Variants in CAMK2A observed in about 807,000 individuals in gnomAD.
CAMK2A encodes the protein calcium/calmodulin-dependent protein kinase type II subunit alpha.
In CAMK2A, 7 loss-of-function variants were observed where a neutral mutation model predicts 79.2. That is an observed-to-expected ratio of 0.09 (90% CI 0.05 to 0.17). The LOEUF is 0.17. Among genes scored for constraint, CAMK2A ranks in the 10% least tolerant of loss-of-function variants. CAMK2A has a pLI of 1.00. For missense variants in CAMK2A, 214 were observed against 646.4 expected, an observed-to-expected ratio of 0.33 and a Z score of 7.25; for synonymous variants, 242 against 251.7, an observed-to-expected ratio of 0.96 and a Z score of 0.36.
At chr5:150,243,729 T>C (rs1755445211) in intron 13 of CAMK2A, among the ~76,000 whole-genome samples, 1 of 152,228 alleles carries the variant, frequency 6.6e-6, no homozygotes, top group African/African-American at 2.4e-5. Context: ...CAGGGCGCAT[T>C]GTATTAGTTA....
intron 16 of CAMK2A, 37 bp downstream of exon 16, chr5:150,231,268 C>A: frequency 7.7e-7 from 1 of 1,301,210 alleles, no homozygotes; most frequent in African/African-American, 1.5e-5. Flanking sequence ...GAACAACAAT[C>A]CAGGCAGGAC....
intron 11 of CAMK2A, 88 bp downstream of exon 11, chr5:150,250,138 G>T (rs571621258): frequency 9.5e-6 from 9 of 942,692 alleles, no homozygotes; most frequent in South Asian, 8.2e-5. Flanking sequence ...ATGAAGGAAA[G>T]AATTAGTGAG....
At chr5:150,244,205 C>T (rs1755463747) in intron 13 of CAMK2A, among the ~76,000 whole-genome samples, 1 of 152,208 alleles carries the variant, frequency 6.6e-6, no homozygotes, top group African/African-American at 2.4e-5. Flanking sequence ...GAGGAGAAGG[C>T]TAAGTACAGA....
intron 1 of CAMK2A, 55 bp downstream of exon 1, chr5:150,289,509 G>A: frequency 1.4e-6 from 2 of 1,387,048 alleles, no homozygotes; most frequent in South Asian, 2.3e-5. Flanking sequence ...CCCCACTAGA[G>A]ACCCTGACCT....
chr5:150,286,345 C>T (rs1013462352), intron 1 of CAMK2A, among the ~76,000 whole-genome samples: 1 of 152,194 alleles, frequency 6.6e-6, no homozygotes, highest in Non-Finnish European at 1.5e-5. Context: ...GGGCCCTGGC[C>T]CCAGTCACAG....
Position 150,221,749 on chromosome 5 carries a change from CAAAAAAA to C in CAMK2A, c.*954_*960del. ...GTGACAAGGTCCACCTCAGAGATGA[CAAAAAAA>C]AAAAAAAAAACTAGAACAGAAAAAA... On this transcript the variant is annotated 3_prime_UTR_variant, in exon 19 of 19. Coordinates refer to ENST00000671881, the MANE Select transcript of CAMK2A (RefSeq NM_015981.4). 3.2e-6 allele frequency: 1 copy of C among 317,356 alleles called. No homozygotes were observed. The highest frequency in any genetic ancestry group is 5.4e-6 in the Non-Finnish European group (1 of 186,144). The allele number at this position is 317,356 out of a possible 1,614,324, so 19.7% of individuals were successfully genotyped here.
chr5:150,225,507 A>C (rs1228203756), intron 17 of CAMK2A, among the ~76,000 whole-genome samples: 1 of 152,182 alleles, frequency 6.6e-6, no homozygotes, highest in Non-Finnish European at 1.5e-5. Flanking sequence ...GAGGCAGGCC[A>C]AGGGCTGCAT....
At chr5:150,274,604 G>A (rs1366090600) in intron 1 of CAMK2A, among the ~76,000 whole-genome samples, 1 of 152,186 alleles carries the variant, frequency 6.6e-6, no homozygotes, top group East Asian at 1.9e-4. Flanking sequence ...ATGGCAAGAA[G>A]AGAGTCTCCT....
intron 6 of CAMK2A, among the ~76,000 whole-genome samples, chr5:150,254,824 T>C (rs916535635): frequency 1.3e-5 from 2 of 152,234 alleles, no homozygotes; most frequent in Non-Finnish European, 2.9e-5. Flanking sequence ...TGAGATAATC[T>C]GTGTAAGCAC....
chr5:150,278,723 G>A (rs1262869840), intron 1 of CAMK2A, among the ~76,000 whole-genome samples: 2 of 152,130 alleles, frequency 1.3e-5, no homozygotes, highest in African/African-American at 4.8e-5. Context: ...GAATGCCCCT[G>A]GGTGCAAAGG....
In CAMK2A at chr5:150,289,700, C is replaced by A; in HGVS notation, c.-75G>T. The A allele has an allele frequency of 8.3e-7, 1 of 1,201,088 alleles. No homozygotes were observed. Among genetic ancestry groups the A allele is most frequent in the Non-Finnish European group, 1.2e-6 (1 of 821,676 alleles). The allele number at this position is 1,201,088 out of a possible 1,614,324, so 74.4% of individuals were successfully genotyped here. A position where few individuals can be genotyped will look rare whatever the true frequency, so the allele number is the denominator to read the frequency against. On this transcript the variant is annotated 5_prime_UTR_variant, in exon 1 of 19. It adds an upstream start codon to the 5' untranslated region. Coordinates refer to ENST00000671881, the MANE Select transcript of CAMK2A (RefSeq NM_015981.4). Reference sequence around the variant, plus strand: ...AGGCGCTGCTGCTCTGCTCCCGAACCTAGGGACCACTTGCCTGCCCGTGCT... The same window carrying A: ...AGGCGCTGCTGCTCTGCTCCCGAACATAGGGACCACTTGCCTGCCCGTGCT...
intron 17 of CAMK2A, among the ~76,000 whole-genome samples, chr5:150,224,518 A>G (rs550119204): frequency 6.6e-6 from 1 of 152,024 alleles, no homozygotes; most frequent in Non-Finnish European, 1.5e-5. Context: ...ATCCAATAAC[A>G]CCCATCCCCT....
At chr5:150,230,089 G>A (rs1193996806) in intron 16 of CAMK2A, among the ~76,000 whole-genome samples, 1 of 152,114 alleles carries the variant, frequency 6.6e-6, no homozygotes, top group Admixed American at 6.5e-5. Flanking sequence ...GGAGGCTGAG[G>A]TGGGTGGATC....
chr5:150,239,272 G>A (rs376912376), intron 14 of CAMK2A, among the ~76,000 whole-genome samples: 68 of 152,286 alleles, frequency 4.5e-4, no homozygotes, highest in African/African-American at 7.0e-4. Context: ...CCCTGCCACC[G>A]GCGGGCCTGG....
chr5:150,220,822 G>A lies in CAMK2A; in HGVS notation c.*1888C>T, dbSNP rs1400878716. 1.3e-5 allele frequency: 2 copies of A among 152,278 alleles called. No homozygotes were observed. Among genetic ancestry groups the A allele is most frequent in the African/African-American group, 4.8e-5 (2 of 41,368 alleles). The allele number at this position is 152,278 out of a possible 1,614,324, so 9.4% of individuals were successfully genotyped here. ...TCTCCTGGCCTGCAGACCTGGCGTT[G>A]CCTGTCTCACCTGGGCCTGGGCAGC... On this transcript the variant is annotated 3_prime_UTR_variant, in exon 19 of 19. Coordinates refer to ENST00000671881, the MANE Select transcript of CAMK2A (RefSeq NM_015981.4).
chr5:150,266,742 T>C (rs1458574427), intron 2 of CAMK2A, among the ~76,000 whole-genome samples: 4 of 152,140 alleles, frequency 2.6e-5, no homozygotes, highest in African/African-American at 4.8e-5. Flanking sequence ...TACCTCCACT[T>C]GCCCCCAATT....
intron 11 of CAMK2A, among the ~76,000 whole-genome samples, chr5:150,248,808 G>A (rs906590651): frequency 6.6e-6 from 1 of 152,024 alleles, no homozygotes; most frequent in Non-Finnish European, 1.5e-5. Flanking sequence ...GTGTGCATGT[G>A]TCTTTATAGC....
rs186832817 is a variant in CAMK2A, at chr5:150,224,835, G to A, written c.1238-1618C>T. ...AGCAATCTGACTCGTCCCAAGCTGG[G>A]CTAATTCCTGAAAAAAACGCAGTGG... On this transcript the variant is annotated intron_variant, in intron 17 of 18. Coordinates refer to ENST00000671881, the MANE Select transcript of CAMK2A (RefSeq NM_015981.4). Among the ~76,000 whole-genome samples the A allele has an allele frequency of 3.1e-3, 448 of 144,780 alleles. 2 individuals carry two copies. Among genetic ancestry groups the A allele is most frequent in the Non-Finnish European group, 5.0e-3 (335 of 66,642 alleles). 95.0% of individuals were successfully genotyped at this position (144,780 alleles called of 152,430 possible). A position where few individuals can be genotyped will look rare whatever the true frequency, so the allele number is the denominator to read the frequency against.
chr5:150,245,262 C>G (rs1562156715), intron 12 of CAMK2A, 61 bp from the exon 13 acceptor site: 1 of 1,540,100 alleles, frequency 6.5e-7, no homozygotes, highest in African/African-American at 1.4e-5. Flanking sequence ...GCCCACAGGG[C>G]GAGGACGAGC....
Sources: allele counts gnomAD v4.1 joint callset (sites outside exome capture counted in the v4.1 genomes callset), GRCh38; gene constraint gnomAD v4.1.1; transcripts MANE v1.5; gene names NCBI Gene and HGNC (gene_info 2026-07-23, HGNC 2026-07-21).